The following NOX4 variants were observed in gnomAD, a reference collection of about 807,000 sequenced individuals.
The protein encoded by NOX4 is NADPH oxidase 4, also known as kidney oxidase-1.
In NOX4, 69 loss-of-function variants were observed where a neutral mutation model predicts 87.6. The ratio of observed to expected loss-of-function variants is 0.79; its 90% CI spans 0.65 to 0.96. NOX4 has a LOEUF of 0.96. Ranked by LOEUF, NOX4 falls within the 40% of genes least tolerant of loss-of-function variation. NOX4 has a pLI of 0.00. For synonymous variants in NOX4, 275 were observed against 238.2 expected, an observed-to-expected ratio of 1.15 and a Z score of -1.42; for missense variants, 680 against 681.5, an observed-to-expected ratio of 1.00 and a Z score of 0.02.
At chr11:89,428,701 C>T (rs1057441256) in intron 7 of NOX4, among the ~76,000 whole-genome samples, 3 of 151,938 alleles carry the variant, frequency 2.0e-5, no homozygotes, top group East Asian at 3.9e-4. Flanking sequence ...ACAGGAGCAC[C>T]CAGATTCATA....
At chr11:89,571,388 C>T in the NOX4 span, among the ~76,000 whole-genome samples, 3 of 151,662 alleles carry the variant, frequency 2.0e-5, no homozygotes, top group South Asian at 4.2e-4. Context: ...CCTCCGCCTC[C>T]TGGGTTCAAG....
the NOX4 span, among the ~76,000 whole-genome samples, chr11:89,524,889 T>G: frequency 6.6e-6 from 1 of 152,084 alleles, no homozygotes; most frequent in Non-Finnish European, 1.5e-5. Context: ...AGTCAGTAAC[T>G]AGTTTGTTTT....
the NOX4 span, among the ~76,000 whole-genome samples, chr11:89,541,407 T>C: frequency 6.6e-6 from 1 of 152,188 alleles, no homozygotes; most frequent in African/African-American, 2.4e-5. Context: ...TCAAAGTCCT[T>C]TCAGTCTCTT....
chr11:89,551,212 T>G, the NOX4 span, among the ~76,000 whole-genome samples: 1 of 152,306 alleles, frequency 6.6e-6, no homozygotes, highest in Non-Finnish European at 1.5e-5. Context: ...AGCCTTGTAG[T>G]ATAGTTTGAA....
chr11:89,491,144 C>A, intron 1 of NOX4, 46 bp downstream of exon 1: 1 of 1,580,598 alleles, frequency 6.3e-7, no homozygotes, highest in Admixed American at 1.7e-5. Context: ...ATCAAAATCA[C>A]TGCAGGACAG....
At chr11:89,575,576 T>A in the NOX4 span, among the ~76,000 whole-genome samples, 2 of 152,206 alleles carry the variant, frequency 1.3e-5, no homozygotes, top group African/African-American at 4.8e-5. Context: ...TATGGCATTG[T>A]TTTCCAGCCA....
intron 8 of NOX4, among the ~76,000 whole-genome samples, chr11:89,410,614 T>C (rs1245935377): frequency 1.3e-5 from 2 of 152,186 alleles, no homozygotes; most frequent in Non-Finnish European, 2.9e-5. Flanking sequence ...AGTGTTGCCC[T>C]GTCACAATGA....
At chr11:89,471,407 T>G (rs1945934498) in intron 2 of NOX4, among the ~76,000 whole-genome samples, 1 of 152,282 alleles carries the variant, frequency 6.6e-6, no homozygotes. Flanking sequence ...ACGAGACAGA[T>G]ACATGAACAA....
In NOX4 at chr11:89,328,929, T is replaced by C. The variant is rs1334467485; in HGVS notation, c.1617-2053A>G. Among the ~76,000 whole-genome samples, 7 of 151,962 alleles carry C rather than the reference T, an allele frequency of 4.6e-5. 1 individual carries two copies. Among genetic ancestry groups the C allele is most frequent in the Admixed American group, 3.9e-4 (6 of 15,240 alleles). ...GCCATCTGCAAGTCAAGGAGAGAGA[T>C]CTCAGGAAACCAGTCCTGCCTGCAT... is the stretch of plus-strand genomic sequence containing the variant. On this transcript the variant is annotated intron_variant, in intron 17 of 17. Coordinates refer to ENST00000263317, the MANE Select transcript of NOX4 (RefSeq NM_016931.5).
chr11:89,438,530 AT>A (rs1472692556), intron 6 of NOX4, among the ~76,000 whole-genome samples: 1 of 93,086 alleles, frequency 1.1e-5, no homozygotes, highest in Non-Finnish European at 1.8e-5. Flanking sequence ...TATACTATAT[AT>A]TACACACTAT....
intron 8 of NOX4, among the ~76,000 whole-genome samples, chr11:89,403,584 CA>C (rs1941998195): frequency 6.6e-6 from 1 of 151,860 alleles, no homozygotes; most frequent in Non-Finnish European, 1.5e-5. Flanking sequence ...TACTAAAAAA[CA>C]TACAAAATTA....
At chr11:89,364,672 C>G (rs1443251236) in intron 12 of NOX4, among the ~76,000 whole-genome samples, 1 of 152,074 alleles carries the variant, frequency 6.6e-6, no homozygotes, top group Non-Finnish European at 1.5e-5. Flanking sequence ...AAATCCTCTA[C>G]TTGACATGTA....
chr11:89,522,240 G>A, the NOX4 span, among the ~76,000 whole-genome samples: 1 of 152,168 alleles, frequency 6.6e-6, no homozygotes, highest in Non-Finnish European at 1.5e-5. Flanking sequence ...GTTCACTGCA[G>A]CACTGTTTAT....
intron 17 of NOX4, among the ~76,000 whole-genome samples, chr11:89,329,673 A>G (rs916526059): frequency 6.6e-6 from 1 of 151,878 alleles, no homozygotes; most frequent in Non-Finnish European, 1.5e-5. Flanking sequence ...ATGAAAGTGA[A>G]CTTTTTGTCA....
chr11:89,491,906 C>A (rs1946870462), upstream of NOX4, among the ~76,000 whole-genome samples: 1 of 151,998 alleles, frequency 6.6e-6, no homozygotes, highest in Non-Finnish European at 1.5e-5. Flanking sequence ...CAAATTATCC[C>A]ACTCCCAAAC....
the NOX4 span, among the ~76,000 whole-genome samples, chr11:89,537,757 G>C: frequency 6.6e-6 from 1 of 151,932 alleles, no homozygotes; most frequent in African/African-American, 2.4e-5. Flanking sequence ...AGTTGACTTT[G>C]TACAACACTA....
At chr11:89,372,688 T>C (rs185844343) in intron 12 of NOX4, among the ~76,000 whole-genome samples, 22 of 152,120 alleles carry the variant, frequency 1.4e-4, no homozygotes, top group Admixed American at 7.2e-4. Flanking sequence ...CAGATTTTAC[T>C]TACCAACTCC....
At chr11:89,331,351 G>C (rs1240055204) in intron 17 of NOX4, among the ~76,000 whole-genome samples, 1 of 151,696 alleles carries the variant, frequency 6.6e-6, no homozygotes, top group Non-Finnish European at 1.5e-5. Flanking sequence ...AAAATGTATA[G>C]CATTAAACAC....
the NOX4 span, among the ~76,000 whole-genome samples, chr11:89,528,282 G>C: frequency 1.3e-5 from 2 of 152,130 alleles, no homozygotes; most frequent in African/African-American, 4.8e-5. Flanking sequence ...GGTGAAAGCA[G>C]CTTGCCATGT....
Sources: allele counts gnomAD v4.1 joint callset (sites outside exome capture counted in the v4.1 genomes callset), GRCh38; gene constraint gnomAD v4.1.1; transcripts MANE v1.5; gene names NCBI Gene and HGNC (gene_info 2026-07-23, HGNC 2026-07-21).